Variants in PLA2R1 observed in about 807,000 individuals in gnomAD.
PLA2R1 encodes the protein phospholipase A2 receptor 1.
A neutral mutation model predicts 195.9 loss-of-function variants in PLA2R1; 158 were observed. That is an observed-to-expected ratio of 0.81 (90% CI 0.71 to 0.92). The LOEUF (loss-of-function observed/expected upper bound fraction) is 0.92. Ranked by LOEUF, PLA2R1 falls within the 40% of genes least tolerant of loss-of-function variation. The pLI, the probability that PLA2R1 is intolerant of heterozygous loss-of-function variation, is 0.00. For missense variants in PLA2R1, 1,626 were observed against 1,764.6 expected, an observed-to-expected ratio of 0.92 and a Z score of 1.41; for synonymous variants, 586 against 598.2, an observed-to-expected ratio of 0.98 and a Z score of 0.30.
chr2:160,054,787 G>T (rs1304783329), intron 1 of PLA2R1, among the ~76,000 whole-genome samples: 1 of 151,750 alleles, frequency 6.6e-6, no homozygotes, highest in African/African-American at 2.4e-5. Context: ...TTTTTGCTTT[G>T]ATCAATTCAA....
At chr2:160,024,517 A>AC (rs1343883890) in intron 6 of PLA2R1, among the ~76,000 whole-genome samples, 1 of 152,042 alleles carries the variant, frequency 6.6e-6, no homozygotes, top group Non-Finnish European at 1.5e-5. Flanking sequence ...GCTGCCCAAA[A>AC]CAGTCACACC....
chr2:160,025,588 C>CA (rs56365741), intron 6 of PLA2R1, among the ~76,000 whole-genome samples: 2,705 of 52,880 alleles, frequency 0.051, 221 homozygotes, highest in African/African-American at 0.17. Context: ...AACCATAAAG[C>CA]AAAAAAAAAA....
chr2:159,946,056 G>T (rs1023515668), intron 27 of PLA2R1: 2 of 980,970 alleles, frequency 2.0e-6, no homozygotes, highest in African/African-American at 1.8e-5. Context: ...TTAATACCAA[G>T]CCAGCCATGT....
intron 1 of PLA2R1, among the ~76,000 whole-genome samples, chr2:160,048,837 CAT>C (rs1491416876): frequency 1.4e-5 from 2 of 143,706 alleles, no homozygotes; most frequent in African/African-American, 5.2e-5. Context: ...TTAGAAGAAA[CAT>C]TTTTTTTTTT....
In PLA2R1 at chr2:159,967,591, G is replaced by A; in HGVS notation, c.2852C>T (p.Thr951Ile). Reference protein sequence around the residue: ...KVWLIEKKKDTPKQHGTCPKG... With the variant: ...KVWLIEKKKDIPKQHGTCPKG... Reference sequence around the variant, plus strand: ...GGGACACGTTCCATGTTGTTTTGGTGTATCTTTCTTTTTCTCTATGAGCCA... The same window carrying A: ...GGGACACGTTCCATGTTGTTTTGGTATATCTTTCTTTTTCTCTATGAGCCA... The change falls in exon 20 of 30, where the codon ACA (threonine) becomes ATA (isoleucine). Residue 951 changes from threonine (T) to isoleucine (I), a missense_variant. Coordinates refer to ENST00000283243, the MANE Select transcript of PLA2R1 (RefSeq NM_007366.5). 1.2e-6 allele frequency: 2 copies of A among 1,613,460 alleles called. No homozygotes were observed. The highest frequency in any genetic ancestry group is 1.7e-6 in the Non-Finnish European group (2 of 1,179,520).
chr2:159,948,736 A>G (rs934597293), intron 25 of PLA2R1, among the ~76,000 whole-genome samples: 1 of 151,776 alleles, frequency 6.6e-6, no homozygotes, highest in African/African-American at 2.4e-5. Flanking sequence ...TGTGGCTATC[A>G]TTTACATTTA....
chr2:160,024,504 C>T (rs1693372327), intron 6 of PLA2R1, among the ~76,000 whole-genome samples: 2 of 152,202 alleles, frequency 1.3e-5, no homozygotes, highest in African/African-American at 4.8e-5. Flanking sequence ...AATCCCTACC[C>T]TGGCTGCCCA....
chr2:159,966,785 A>T (rs1688817349), intron 20 of PLA2R1, among the ~76,000 whole-genome samples: 1 of 152,198 alleles, frequency 6.6e-6, no homozygotes, highest in South Asian at 2.1e-4. Context: ...TAATTTTCTA[A>T]GAGTTAAACA....
intron 17 of PLA2R1, among the ~76,000 whole-genome samples, chr2:159,972,778 T>G (rs1426645728): frequency 6.6e-6 from 1 of 152,240 alleles, no homozygotes; most frequent in Non-Finnish European, 1.5e-5. Flanking sequence ...GCAGCGTTTT[T>G]TCAGCATTAA....
chr2:159,947,592 G>A, intron 25 of PLA2R1, 33 bp from the exon 26 acceptor site: 1 of 1,602,812 alleles, frequency 6.2e-7, no homozygotes, highest in Non-Finnish European at 8.5e-7. Context: ...ATTTCAGGGT[G>A]GTGACTGGGT....
intron 17 of PLA2R1, 134 bp downstream of exon 17, chr2:159,975,934 C>G (rs1259212494): frequency 2.8e-6 from 2 of 722,822 alleles, no homozygotes; most frequent in African/African-American, 1.8e-5. Flanking sequence ...TATGGCTTTA[C>G]TGAAATCTAT....
intron 11 of PLA2R1, among the ~76,000 whole-genome samples, chr2:160,002,637 T>A (rs1203996310): frequency 2.0e-5 from 3 of 152,010 alleles, no homozygotes; most frequent in Non-Finnish European, 4.4e-5. Flanking sequence ...TTCTTGGACT[T>A]TACCCCAGAT....
rs144424203 is a variant in PLA2R1, at chr2:159,951,269, G to A, written c.3540+71C>T. 1,136 of 802,886 alleles carry A rather than the reference G, an allele frequency of 1.4e-3. 22 individuals carry two copies. In the East Asian group the frequency reaches 0.025, roughly 18 times the overall value. 49.7% of individuals were successfully genotyped at this position (802,886 alleles called of 1,614,324 possible). Reference sequence around the variant, plus strand: ...CTTTTTTTCAGTGCTAATTTCAGTGGCCAGATCATGAAGGAGGTAGATGCT... The same window carrying A: ...CTTTTTTTCAGTGCTAATTTCAGTGACCAGATCATGAAGGAGGTAGATGCT... On this transcript the variant is annotated intron_variant, in intron 24 of 29. Transcript: ENST00000283243.
intron 13 of PLA2R1, among the ~76,000 whole-genome samples, chr2:159,982,191 T>G (rs942618619): frequency 6.6e-6 from 1 of 152,214 alleles, no homozygotes; most frequent in Non-Finnish European, 1.5e-5. Flanking sequence ...GCTAAAGTAA[T>G]GAAGCAAAAT....
At chr2:160,061,966 T>C (rs1432291536) in intron 1 of PLA2R1, among the ~76,000 whole-genome samples, 2 of 151,882 alleles carry the variant, frequency 1.3e-5, no homozygotes, top group Admixed American at 1.3e-4. Flanking sequence ...TTTTGAAACT[T>C]CTCCGACACT....
chr2:160,061,707 G>A (rs1176473454), intron 1 of PLA2R1, among the ~76,000 whole-genome samples: 1 of 152,126 alleles, frequency 6.6e-6, no homozygotes, highest in African/African-American at 2.4e-5. Flanking sequence ...CCCGGGAGGC[G>A]GAGGCTGCAG....
At chr2:159,967,355 A>G (rs541611386) in intron 20 of PLA2R1, among the ~76,000 whole-genome samples, 184 bp downstream of exon 20, 1 of 152,336 alleles carries the variant, frequency 6.6e-6, no homozygotes, top group South Asian at 2.1e-4. Flanking sequence ...TTTGACAAAA[A>G]TCTTTTGTTC....
chr2:160,060,895 T>C (rs1695907575), intron 1 of PLA2R1, among the ~76,000 whole-genome samples: 1 of 152,204 alleles, frequency 6.6e-6, no homozygotes, highest in Non-Finnish European at 1.5e-5. Context: ...GAAGGAATCA[T>C]ACATACTACA....
rs1198334095 is a variant in PLA2R1 at position 159,977,277 on chromosome 2, T to G, written c.2401+7A>C. The G allele has an allele frequency of 5.6e-6, 9 of 1,606,586 alleles. No homozygotes were observed. Among genetic ancestry groups the G allele is most frequent in the Non-Finnish European group, 6.8e-6 (8 of 1,173,968 alleles). On this transcript the variant is annotated splice_region_variant and intron_variant, in intron 15 of 29. Coordinates refer to ENST00000283243, the MANE Select transcript of PLA2R1 (RefSeq NM_007366.5). ...ACATATAGCAAAGATCTTACTACTA[T>G]TTTTACCTCTTGGGATTTTGCATAT...
Sources: gnomAD v4.1 joint callset for allele counts (sites outside exome capture counted in the v4.1 genomes callset) on GRCh38, gnomAD v4.1.1 for gene constraint, MANE v1.5 for transcripts, NCBI Gene and HGNC (gene_info 2026-07-23, HGNC 2026-07-21) for gene names.